PKHD1L1: variants seen among roughly 807,000 people sequenced by gnomAD.
PKHD1L1 encodes PKHD1 like 1, also known as fibrocystin-L.
A neutral mutation model predicts 462.9 loss-of-function variants in PKHD1L1; 434 were observed. The observed-to-expected ratio is 0.94, with a 90% CI of 0.87 to 1.02. The LOEUF is 1.02. Ranked by LOEUF, PKHD1L1 falls within the 50% of genes least tolerant of loss-of-function variation. The probability of loss-of-function intolerance (pLI) is 0.00; values close to 1 mark genes in which losing one functional copy is unlikely to be tolerated. For synonymous variants in PKHD1L1, 1,781 were observed against 1,750.0 expected (o/e 1.02, Z -0.44); for missense variants, 5,202 against 5,096.1 (o/e 1.02, Z -0.63).
intron 67 of PKHD1L1, among the ~76,000 whole-genome samples, chr8:109,502,891 G>T (rs1050263370): frequency 2.6e-5 from 4 of 152,206 alleles, no homozygotes; most frequent in Admixed American, 1.3e-4. Context: ...CCACATTGAG[G>T]CAAAAGGTTC....
intron 50 of PKHD1L1, chr8:109,470,977 G>C: frequency 6.2e-7 from 1 of 1,610,640 alleles, no homozygotes; most frequent in East Asian, 2.2e-5. Flanking sequence ...AGCAGCTCGA[G>C]TCCATAGGCA....
chr8:109,507,823 A>G lies in PKHD1L1; in HGVS notation c.11155A>G (p.Arg3719Gly), dbSNP rs1334056003. The G allele has an allele frequency of 4.3e-6, 7 of 1,613,504 alleles. No individual in the cohort carries two copies. The highest frequency in any genetic ancestry group is 5.9e-6 in the Non-Finnish European group (7 of 1,179,686). Residue 3719 changes from arginine to glycine, a missense_variant, in exon 69 of 78, where the codon AGA becomes GGA. This residue lies in a region of PKHD1L1 where 698 missense variants were observed against 736.3 expected (regional missense o/e 0.95). Transcript: ENST00000378402. ...GNSQVGIGDY[R>G]IPKAMLTFLN... ...CAGCCAAGTAGGAATTGGAGACTAC[A>G]GAATTCCTAAGGCGATGCTCACATT...
At chr8:109,396,172 A>G in intron 11 of PKHD1L1, 35 bp downstream of exon 11, 2 of 1,436,156 alleles carry the variant, frequency 1.4e-6, no homozygotes, top group South Asian at 2.5e-5. Flanking sequence ...TTACTTTATT[A>G]CCACAAATTC....
chr8:109,444,487 A>G (rs1007328458), intron 37 of PKHD1L1, among the ~76,000 whole-genome samples, 174 bp from the exon 38 acceptor site: 2 of 152,258 alleles, frequency 1.3e-5, no homozygotes, highest in Admixed American at 6.5e-5. Flanking sequence ...TGTAAAAATC[A>G]TAATTTAATC....
At chr8:109,487,079 CAG>C (rs746824852) in intron 59 of PKHD1L1, among the ~76,000 whole-genome samples, 3 of 151,956 alleles carry the variant, frequency 2.0e-5, no homozygotes, top group African/African-American at 2.4e-5. Flanking sequence ...TTTCACCTAA[CAG>C]AGATAATTTT....
At chr8:109,407,664 G>T (rs1272921097) in intron 17 of PKHD1L1, among the ~76,000 whole-genome samples, 3 of 152,156 alleles carry the variant, frequency 2.0e-5, no homozygotes, top group African/African-American at 4.8e-5. Flanking sequence ...AAAGAAAATA[G>T]AAATATTCCA....
intron 50 of PKHD1L1, among the ~76,000 whole-genome samples, chr8:109,472,872 A>G (rs753164349): frequency 6.6e-6 from 1 of 152,154 alleles, no homozygotes; most frequent in African/African-American, 2.4e-5. Context: ...TAAAAAGTAT[A>G]CTAGATTAGT....
chr8:109,411,943 A>G (rs1813878238), intron 19 of PKHD1L1, among the ~76,000 whole-genome samples: 1 of 152,094 alleles, frequency 6.6e-6, no homozygotes, highest in South Asian at 2.1e-4. Flanking sequence ...TAAACAGCAA[A>G]CACGCAAACA....
At chr8:109,454,695 T>C (rs891533800) in intron 44 of PKHD1L1, 28 bp from the exon 45 acceptor site, 2 of 1,606,264 alleles carry the variant, frequency 1.2e-6, no homozygotes, top group Admixed American at 1.7e-5. Flanking sequence ...TTTAATTTTC[T>C]GAATGGCATT....
rs755645795 is a variant in PKHD1L1 at position 109,364,585 on chromosome 8, C to A, written c.112C>A (p.Pro38Thr). The A allele has an allele frequency of 1.9e-6, 3 of 1,602,978 alleles. No individual in the cohort carries two copies. Among genetic ancestry groups the A allele is most frequent in the South Asian group, 2.2e-5 (2 of 90,202 alleles). Residue 38 changes from proline to threonine, a missense_variant, in exon 2 of 78, where the codon CCT (proline) becomes ACT (threonine). By Grantham distance (38) the Pro-to-Thr change is conservative. This residue lies in a region of PKHD1L1 where 4,497 missense variants were observed against 4,336.8 expected (regional missense o/e 1.04). Coordinates refer to ENST00000378402, the MANE Select transcript of PKHD1L1 (RefSeq NM_177531.6). ...AATCCCCAAAGTCACAGAAATAATA[C>A]CTAAATATGGCAGTATAAATGGAGC... ...QIIPKVTEII[P>T]KYGSINGATR...
At chr8:109,526,754 A>G in intron 76 of PKHD1L1, 30 bp from the exon 77 acceptor site, 1 of 1,515,160 alleles carries the variant, frequency 6.6e-7, no homozygotes, top group Non-Finnish European at 8.9e-7. Flanking sequence ...CATAAAGGAA[A>G]TCAAACACTA....
intron 16 of PKHD1L1, among the ~76,000 whole-genome samples, chr8:109,405,649 G>C (rs1316872974): frequency 6.6e-6 from 1 of 150,662 alleles, no homozygotes; most frequent in African/African-American, 2.5e-5. Flanking sequence ...AGAACACATG[G>C]ACACAGGGAG....
chr8:109,376,452 T>C (rs1811835623), intron 2 of PKHD1L1, among the ~76,000 whole-genome samples: 1 of 152,182 alleles, frequency 6.6e-6, no homozygotes, highest in Admixed American at 6.5e-5. Context: ...GCTTCCCGGG[T>C]GAGGTGATGC....
intron 50 of PKHD1L1, chr8:109,471,194 T>G: frequency 1.0e-6 from 1 of 960,668 alleles, no homozygotes; most frequent in Non-Finnish European, 1.5e-6. Context: ...GTTTAAGTCA[T>G]TTTTTACTTG....
intron 38 of PKHD1L1, among the ~76,000 whole-genome samples, chr8:109,447,756 C>T (rs1203565407): frequency 6.6e-6 from 1 of 152,152 alleles, no homozygotes; most frequent in African/African-American, 2.4e-5. Flanking sequence ...AAGGAAGCTA[C>T]CAAAAATAAA....
At chr8:109,373,165 A>G (rs1256337800) in intron 2 of PKHD1L1, among the ~76,000 whole-genome samples, 3 of 152,174 alleles carry the variant, frequency 2.0e-5, no homozygotes, top group East Asian at 3.9e-4. Flanking sequence ...GCTATTAATT[A>G]TTGCCTCAAT....
chr8:109,378,778 C>A (rs116480360), intron 2 of PKHD1L1, among the ~76,000 whole-genome samples: 3 of 152,048 alleles, frequency 2.0e-5, no homozygotes, highest in African/African-American at 7.2e-5. Context: ...TCTGGGCAGT[C>A]GAAGAGGACT....
rs2130789145 is a variant in PKHD1L1, at chr8:109,452,269, A to G, written c.6496A>G (p.Met2166Val). The change falls in exon 42 of 78, where the codon ATG becomes GTG. Residue 2166 changes from methionine (M) to valine (V), a missense_variant. By Grantham distance (21) the Met-to-Val change is conservative (BLOSUM62 1). Around this residue, in one of 3 missense-constraint regions of PKHD1L1, gnomAD observed 4,497 missense variants for 4,336.8 expected, o/e 1.04. Coordinates refer to ENST00000378402, the MANE Select transcript of PKHD1L1 (RefSeq NM_177531.6). ...PVCVHIRGVG[M>V]AKLDNADFLY... is the part of the protein sequence containing the mutation. ...TTGTGTCCACATCAGAGGTGTCGGC[A>G]TGGCCAAACTGGTAATAGTGCTGTT... The G allele has an allele frequency of 6.2e-7, 1 of 1,602,960 alleles. No individual in the cohort carries two copies. The highest frequency in any genetic ancestry group is 8.5e-7 in the Non-Finnish European group (1 of 1,173,278).
Position 109,494,701 on chromosome 8 carries a change from G to A in PKHD1L1, c.10327+950G>A, listed in dbSNP as rs540943141. 1.4e-4 allele frequency among the ~76,000 whole-genome samples: 22 copies of A among 151,988 alleles called. No homozygotes were observed. The South Asian group carries it at 4.6e-3, about 32-fold the overall frequency. On this transcript the variant is annotated intron_variant, in intron 63 of 77. Transcript: ENST00000378402. ...TTTGTGGAAGAAAGGGAAGGAATCA[G>A]AATGTATATGGTATTTGTATTTACA...
Sources: allele counts gnomAD v4.1 joint callset (sites outside exome capture counted in the v4.1 genomes callset), GRCh38; gene constraint gnomAD v4.1.1; regional missense constraint gnomAD v4.1.1; transcripts MANE v1.5; gene names NCBI Gene and HGNC (gene_info 2026-07-23, HGNC 2026-07-21).